Variants in IDI1 observed in about 807,000 individuals in gnomAD.
IDI1 encodes the protein isopentenyl-diphosphate Delta-isomerase 1.
A neutral mutation model predicts 32.9 loss-of-function variants in IDI1; 23 were observed. The ratio of observed to expected loss-of-function variants is 0.70; its 90% CI spans 0.50 to 0.99. The LOEUF is 0.99. IDI1 is among the 50% of genes least tolerant of loss of function. IDI1 has a pLI of 0.00. For synonymous variants in IDI1, 133 were observed against 128.2 expected, an observed-to-expected ratio of 1.04 and a Z score of -0.25; for missense variants, 326 against 351.9, an observed-to-expected ratio of 0.93 and a Z score of 0.59.
the IDI1 span, among the ~76,000 whole-genome samples, chr10:1,056,224 A>G: frequency 6.6e-6 from 1 of 152,338 alleles, no homozygotes; most frequent in South Asian, 2.1e-4. Context: ...CGCTTTCTGT[A>G]GAGCGTTGAG....
In IDI1 at chr10:1,042,874, A is replaced by G. The variant is rs1379624845; in HGVS notation, c.407-112T>C. The G allele has an allele frequency of 8.1e-6, 7 of 861,772 alleles. No homozygotes were observed. In the South Asian group the frequency reaches 9.3e-5, roughly 11 times the overall value. 53.4% of individuals were successfully genotyped at this position (861,772 alleles called of 1,614,324 possible). Reference sequence around the variant, plus strand: ...ATGAAATGATTTTTAAGGATTTTAAAATCAGTTATAATGGGCTATCAGTAA... The same window carrying G: ...ATGAAATGATTTTTAAGGATTTTAAGATCAGTTATAATGGGCTATCAGTAA... On this transcript the variant is annotated intron_variant, in intron 3 of 4. Coordinates refer to ENST00000381344, the MANE Select transcript of IDI1 (RefSeq NM_004508.4).
rs1564489094 is a variant in IDI1 at position 1,048,992 on chromosome 10, T to C, written c.12A>G (p.Gly4=). 7 of 1,512,106 alleles carry C rather than the reference T, an allele frequency of 4.6e-6. No homozygotes were observed. In the Admixed American group the frequency reaches 1.5e-4, roughly 33 times the overall value. 93.7% of individuals were successfully genotyped at this position (1,512,106 alleles called of 1,614,324 possible). MWR[G]LALARAIGCA... is the part of the protein sequence containing the mutation. ...AGCCAATCGCTCGCGCCAGCGCCAG[T>C]CCACGCCACATCGCCCGGCCAATTG... The change falls in exon 1 of 5, where the codon GGA becomes GGG. Residue 4 remains glycine (G), a synonymous_variant. Transcript: ENST00000381344.
At chr10:1,053,825 G>A (rs1214035416), upstream of IDI1, among the ~76,000 whole-genome samples, 1 of 151,678 alleles carries the variant, frequency 6.6e-6, no homozygotes, top group Non-Finnish European at 1.5e-5. Flanking sequence ...GAACTCCTAG[G>A]CTCAAGCAAT....
upstream of IDI1, among the ~76,000 whole-genome samples, chr10:1,053,052 A>C (rs1833054541): frequency 6.6e-6 from 1 of 151,814 alleles, no homozygotes; most frequent in African/African-American, 2.4e-5. Flanking sequence ...GTTACCCAGG[A>C]GTGTGGTGGT....
At chr10:1,045,698 C>T (rs1406857928) in intron 1 of IDI1, among the ~76,000 whole-genome samples, 1 of 152,236 alleles carries the variant, frequency 6.6e-6, no homozygotes, top group Non-Finnish European at 1.5e-5. Context: ...AACTCCTAAC[C>T]TCAGGAGATC....
In IDI1 at chr10:1,042,674, T is replaced by C. The variant is rs746555908; in HGVS notation, c.495A>G (p.Ala165=). ...CTAGCTCAGCTTTCAGCCGTCTCTG[T>C]GCTGCTCGCCTCACTCCAAGGGCGT... ...ESDALGVRRA[A]QRRLKAELGI... The change falls in exon 4 of 5, where the codon GCA becomes GCG. Residue 165 remains alanine, a synonymous_variant. Coordinates refer to ENST00000381344, the MANE Select transcript of IDI1 (RefSeq NM_004508.4). 3.7e-6 allele frequency: 6 copies of C among 1,613,984 alleles called. No homozygotes were observed. The African/African-American group carries it at 6.7e-5, about 18-fold the overall frequency.
upstream of IDI1, chr10:1,049,179 G>T (rs1832909139): frequency 2.8e-6 from 3 of 1,077,650 alleles, no homozygotes; most frequent in Non-Finnish European, 3.8e-6. Flanking sequence ...CCCCAGTTCC[G>T]CAGAGGCAGC....
the IDI1 span, among the ~76,000 whole-genome samples, chr10:1,055,965 C>T: frequency 6.6e-6 from 1 of 152,118 alleles, no homozygotes; most frequent in Non-Finnish European, 1.5e-5. Context: ...CGCGCCGCCA[C>T]GCCCGGCTAG....
At chr10:1,048,751 G>A (rs992641116) in intron 1 of IDI1, 113 bp downstream of exon 1, 2 of 1,484,680 alleles carry the variant, frequency 1.3e-6, no homozygotes, top group Non-Finnish European at 8.9e-7. Context: ...CCAGGCCTCC[G>A]CGCCGAGACC....
chr10:1,042,729 A>G lies in IDI1; in HGVS notation c.440T>C (p.Leu147Ser), dbSNP rs1832651984. 6.2e-7 allele frequency: 1 copy of G among 1,613,884 alleles called. No homozygotes were observed. Residue 147 changes from leucine to serine, a missense_variant, in exon 4 of 5, where the codon TTA becomes TCA. Coordinates refer to ENST00000381344, the MANE Select transcript of IDI1 (RefSeq NM_004508.4). Reference protein sequence around the residue: ...CFTNTCCSHPLSNPAELEESD... With the variant: ...CFTNTCCSHPSSNPAELEESD... ...TTCCTCAAGCTCGGCTGGATTGCTT[A>G]ATGGATGACTACAACACGTATTCGT...
chr10:1,043,585 G>A (rs557414540), intron 2 of IDI1, 192 bp from the exon 3 acceptor site: 54 of 687,214 alleles, frequency 7.9e-5, no homozygotes, highest in Admixed American at 2.2e-4. Flanking sequence ...GTTGGCCGTC[G>A]AGTGAAGGAA....
Position 1,048,639 on chromosome 10 carries a change from G to T in IDI1, c.140+225C>A, listed in dbSNP as rs370864809. The T allele has an allele frequency of 2.3e-5, 33 of 1,408,354 alleles. No individual in the cohort carries two copies. In the African/African-American group the frequency reaches 3.0e-4, roughly 13 times the overall value. The allele number at this position is 1,408,354 out of a possible 1,614,324, so 87.2% of individuals were successfully genotyped here. On this transcript the variant is annotated intron_variant, in intron 1 of 4. Coordinates refer to ENST00000381344, the MANE Select transcript of IDI1 (RefSeq NM_004508.4). Reference sequence around the variant, plus strand: ...AGAATGGCAACGTCTCTGACGCCCCGACTCACGCCTCCGCCTTCCACGGGG... The same window carrying T: ...AGAATGGCAACGTCTCTGACGCCCCTACTCACGCCTCCGCCTTCCACGGGG...
At chr10:1,052,593 C>A (rs1833042231), upstream of IDI1, among the ~76,000 whole-genome samples, 2 of 150,182 alleles carry the variant, frequency 1.3e-5, no homozygotes, top group South Asian at 4.2e-4. Flanking sequence ...GAAACGAAAT[C>A]TTTTTTTTTT....
intron 1 of IDI1, among the ~76,000 whole-genome samples, chr10:1,045,962 G>T (rs901957599): frequency 2.0e-5 from 3 of 152,036 alleles, no homozygotes; most frequent in Non-Finnish European, 4.4e-5. Context: ...CTGAAATAAG[G>T]TTAATGATTA....
intron 1 of IDI1, among the ~76,000 whole-genome samples, chr10:1,047,717 C>T (rs905856971): frequency 6.6e-6 from 1 of 152,274 alleles, no homozygotes; most frequent in Admixed American, 6.5e-5. Flanking sequence ...AAGTACCTAA[C>T]AATGAACTTC....
chr10:1,049,463 T>TCTCCCCC (rs1832924800), upstream of IDI1: 20 of 74,566 alleles, frequency 2.7e-4, 3 homozygotes, highest in African/African-American at 8.1e-4. Context: ...GGTTGGGCAC[T>TCTCCCCC]CCCCCCCCTC....
Position 1,039,739 on chromosome 10 carries a change from T to C in IDI1, c.*1448A>G, listed in dbSNP as rs1024223375. The C allele has an allele frequency of 1.3e-5, 2 of 152,230 alleles. No homozygotes were observed. The highest frequency in any genetic ancestry group is 4.8e-5 in the African/African-American group (2 of 41,464). The allele number at this position is 152,230 out of a possible 1,614,324, so 9.4% of individuals were successfully genotyped here. ...TCTAAGGGTCCCATGTCCAATTCAG[T>C]AGCCATGGCAACTCATAGTTATCAC... On this transcript the variant is annotated 3_prime_UTR_variant, in exon 5 of 5. Transcript: ENST00000381344.
chr10:1,050,567 G>T (rs1442556389), upstream of IDI1, among the ~76,000 whole-genome samples: 1 of 152,160 alleles, frequency 6.6e-6, no homozygotes, highest in African/African-American at 2.4e-5. Context: ...ATACATTTAA[G>T]AAAGATGAAT....
Position 1,041,113 on chromosome 10 carries a change from C to A in IDI1, c.*74G>T. On this transcript the variant is annotated 3_prime_UTR_variant, in exon 5 of 5. Coordinates refer to ENST00000381344, the MANE Select transcript of IDI1 (RefSeq NM_004508.4). Reference sequence around the variant, plus strand: ...ATTTAATGATAAATTAATGATAGAACTAAATTTAAAAGGAAAAAGTCATTC... The same window carrying A: ...ATTTAATGATAAATTAATGATAGAAATAAATTTAAAAGGAAAAAGTCATTC... 2.4e-6 allele frequency: 2 copies of A among 837,038 alleles called. No homozygotes were observed. The highest frequency in any genetic ancestry group is 3.7e-6 in the Non-Finnish European group (2 of 543,966). 51.9% of individuals were successfully genotyped at this position (837,038 alleles called of 1,614,324 possible).
Sources: gnomAD v4.1 joint callset for allele counts (sites outside exome capture counted in the v4.1 genomes callset) on GRCh38, gnomAD v4.1.1 for gene constraint, MANE v1.5 for transcripts, NCBI Gene and HGNC (gene_info 2026-07-23, HGNC 2026-07-21) for gene names.